Variants in CREBRF observed in about 807,000 individuals in gnomAD.
CREBRF encodes CREB3 regulatory factor, also known as UPF0474 protein C5orf41.
A neutral mutation model predicts 66.1 loss-of-function variants in CREBRF; 5 were observed. The ratio of observed to expected loss-of-function variants is 0.08; its 90% CI spans 0.04 to 0.16. CREBRF has a LOEUF of 0.16. Ranked by LOEUF, CREBRF falls within the 10% of genes least tolerant of loss-of-function variation. CREBRF has a pLI of 1.00. For synonymous variants in CREBRF, 229 were observed against 264.4 expected, an observed-to-expected ratio of 0.87 and a Z score of 1.30; for missense variants, 531 against 744.9, an observed-to-expected ratio of 0.71 and a Z score of 3.34.
intron 8 of CREBRF, among the ~76,000 whole-genome samples, chr5:173,131,475 G>A (rs1282876074): frequency 6.6e-6 from 1 of 152,018 alleles, no homozygotes; most frequent in Admixed American, 6.6e-5. Context: ...GTCTACATCA[G>A]TCTCCCCATC....
At chr5:173,107,642 C>T (rs1157762055) in intron 4 of CREBRF, among the ~76,000 whole-genome samples, 3 of 152,038 alleles carry the variant, frequency 2.0e-5, no homozygotes, top group Non-Finnish European at 4.4e-5. Flanking sequence ...ACTAATGCTG[C>T]CACATAGAAT....
At chr5:173,085,427 C>A (rs907119752) in intron 2 of CREBRF, 10 of 687,416 alleles carry the variant, frequency 1.5e-5, no homozygotes, top group East Asian at 3.3e-5. Context: ...TTTTTTTTTT[C>A]TTTTTGGAGA....
chr5:173,078,816 C>T (rs552220933), intron 1 of CREBRF, among the ~76,000 whole-genome samples: 7 of 152,196 alleles, frequency 4.6e-5, no homozygotes, highest in Admixed American at 2.0e-4. Context: ...TGAGCCACTG[C>T]GCCCAGCCGA....
At chr5:173,119,247 A>C (rs1441902240) in intron 7 of CREBRF, among the ~76,000 whole-genome samples, 1 of 152,198 alleles carries the variant, frequency 6.6e-6, no homozygotes, top group Non-Finnish European at 1.5e-5. Context: ...ATTGCTTTGA[A>C]TCTTTAGATC....
chr5:173,131,175 C>G (rs1759414544), intron 8 of CREBRF, among the ~76,000 whole-genome samples: 1 of 152,196 alleles, frequency 6.6e-6, no homozygotes, highest in African/African-American at 2.4e-5. Context: ...TGCTTTATTT[C>G]TACCTCTATC....
At position 173,114,265 on chromosome 5, in the gene CREBRF, T is replaced by C. The variant is rs555366593; in HGVS notation, c.1681+1886T>C. ...AAGCTATCCATTTTCCTATTGTTCTTTCTTACTATTGAAACATTTTGGCCT... is the reference window on the plus strand; with the variant it reads ...AAGCTATCCATTTTCCTATTGTTCTCTCTTACTATTGAAACATTTTGGCCT... On this transcript the variant is annotated intron_variant, in intron 7 of 8. Coordinates refer to ENST00000296953, the MANE Select transcript of CREBRF (RefSeq NM_153607.3). 3.3e-5 allele frequency among the ~76,000 whole-genome samples: 5 copies of C among 152,336 alleles called. No homozygotes were observed. The East Asian group carries it at 9.6e-4, about 29-fold the overall frequency.
At chr5:173,065,068 A>G (rs1478493300) in intron 1 of CREBRF, among the ~76,000 whole-genome samples, 4 of 152,186 alleles carry the variant, frequency 2.6e-5, no homozygotes, top group Non-Finnish European at 5.9e-5. Flanking sequence ...ATCCTCTACT[A>G]GAGTTGCCCA....
At chr5:173,062,840 C>T (rs933988725) in intron 1 of CREBRF, among the ~76,000 whole-genome samples, 32 of 150,538 alleles carry the variant, frequency 2.1e-4, no homozygotes, top group Middle Eastern at 6.8e-3. Context: ...CTCTGCCTCC[C>T]GGGTTCACGC....
chr5:173,130,209 TA>T (rs58929033), intron 8 of CREBRF, among the ~76,000 whole-genome samples: 13 of 152,200 alleles, frequency 8.5e-5, no homozygotes, highest in African/African-American at 3.1e-4. Flanking sequence ...AGCTCATTTT[TA>T]AAAAAATTGA....
intron 4 of CREBRF, among the ~76,000 whole-genome samples, chr5:173,102,589 T>C (rs1037457349): frequency 6.6e-6 from 1 of 152,018 alleles, no homozygotes; most frequent in Non-Finnish European, 1.5e-5. Flanking sequence ...GAAACCTGGG[T>C]CCATAGGAGC....
intron 5 of CREBRF, 193 bp downstream of exon 5, chr5:173,109,011 A>G: frequency 1.8e-6 from 1 of 546,052 alleles, no homozygotes; most frequent in Non-Finnish European, 3.2e-6. Context: ...AAGAGTCCTC[A>G]CCTAAGTGGA....
intron 1 of CREBRF, among the ~76,000 whole-genome samples, chr5:173,058,361 G>T (rs1054216428): frequency 6.6e-6 from 1 of 152,160 alleles, no homozygotes; most frequent in Admixed American, 6.5e-5. Context: ...GTACTTAGGC[G>T]TAAGAACATG....
intron 4 of CREBRF, among the ~76,000 whole-genome samples, chr5:173,102,760 GTCCAGGACTC>G (rs1758657191): frequency 6.6e-6 from 1 of 152,110 alleles, no homozygotes; most frequent in Non-Finnish European, 1.5e-5. Flanking sequence ...TGAGCCTGGA[GTCCAGGACTC>G]CAGGGATGGG....
intron 4 of CREBRF, among the ~76,000 whole-genome samples, chr5:173,098,493 G>A (rs80105183): frequency 0.074 from 11,202 of 152,200 alleles, 548 homozygotes; most frequent in Non-Finnish European, 0.11. Flanking sequence ...TCTTAAATTT[G>A]TTAAGTAAGA....
At chr5:173,083,211 CA>C (rs986764846) in intron 2 of CREBRF, among the ~76,000 whole-genome samples, 3 of 149,534 alleles carry the variant, frequency 2.0e-5, no homozygotes, top group South Asian at 4.2e-4. Flanking sequence ...TCTGTCTCTC[CA>C]AAAAAAAATA....
intron 2 of CREBRF, among the ~76,000 whole-genome samples, chr5:173,082,026 T>TGTTTG (rs1757969301): frequency 9.8e-6 from 1 of 102,316 alleles, no homozygotes; most frequent in Non-Finnish European, 2.2e-5. Flanking sequence ...TTTTTTTTTT[T>TGTTTG]TTTTTGAGCT....
chr5:173,073,933 C>CTCCA (rs1336494031), intron 1 of CREBRF, among the ~76,000 whole-genome samples: 1 of 151,896 alleles, frequency 6.6e-6, no homozygotes, highest in Non-Finnish European at 1.5e-5. Flanking sequence ...CGCCACTGCG[C>CTCCA]TCCAGCCTGG....
In CREBRF at chr5:173,090,804, T is replaced by G; in HGVS notation, c.625T>G (p.Ser209Ala). ...DCVQKASKPT[S>A]STQIMVKTNM... ...TGTCCAAAAAGCAAGTAAACCCACTTCAAGCACACAAATCATGGTGAAGAC... is the reference window on the plus strand; with the variant it reads ...TGTCCAAAAAGCAAGTAAACCCACTGCAAGCACACAAATCATGGTGAAGAC... Residue 209 changes from serine (S) to alanine (A), a missense_variant, in exon 4 of 9, where the codon TCA (serine) becomes GCA (alanine). Around this residue, in one of 5 missense-constraint regions of CREBRF, gnomAD observed 309 missense variants for 341.4 expected, o/e 0.90. Transcript: ENST00000296953. This position sits in a 1 kb window ranked among gnomAD's most constrained non-coding sequence, Gnocchi z 4.5. The G allele has an allele frequency of 8.1e-6, 13 of 1,614,154 alleles. No homozygotes were observed. Among genetic ancestry groups the G allele is most frequent in the Non-Finnish European group, 1.1e-5 (13 of 1,180,032 alleles).
chr5:173,062,951 T>G (rs1351454301), intron 1 of CREBRF, among the ~76,000 whole-genome samples: 7 of 151,798 alleles, frequency 4.6e-5, no homozygotes, highest in Admixed American at 3.9e-4. Flanking sequence ...GTTTCACCGT[T>G]TTAGCCGGGA....
Sources: allele counts gnomAD v4.1 joint callset (sites outside exome capture counted in the v4.1 genomes callset), GRCh38; gene constraint gnomAD v4.1.1; regional missense constraint gnomAD v4.1.1; non-coding constraint Gnocchi (gnomAD v3.1); transcripts MANE v1.5; gene names NCBI Gene and HGNC (gene_info 2026-07-23, HGNC 2026-07-21).